The following AP3B1 variants were observed in gnomAD, a reference collection of about 807,000 sequenced individuals.
AP3B1 encodes the protein AP-3 complex subunit beta-1.
Under a neutral mutation model 132.5 loss-of-function variants are expected in AP3B1, and 61 were observed. The observed-to-expected ratio is 0.46, with a 90% confidence interval of 0.37 to 0.57. AP3B1 has a LOEUF of 0.57. Among genes scored for constraint, AP3B1 ranks in the 20% least tolerant of loss-of-function variants. AP3B1 has a pLI of 0.00. For synonymous variants in AP3B1, 388 were observed against 438.3 expected (o/e 0.89, Z 1.43); for missense variants, 1,120 against 1,289.4 (o/e 0.87, Z 2.01).
chr5:78,229,609 T>C (rs1746550799), intron 3 of AP3B1, among the ~76,000 whole-genome samples: 1 of 148,598 alleles, frequency 6.7e-6, no homozygotes, highest in Admixed American at 6.7e-5. Flanking sequence ...CACAGTGGCA[T>C]GCACCTGTAG....
chr5:78,131,900 A>G (rs114152850), intron 15 of AP3B1, among the ~76,000 whole-genome samples: 2,461 of 152,278 alleles, frequency 0.016, 66 homozygotes, highest in African/African-American at 0.055. Context: ...AAATAATCCA[A>G]ACAATTTGTG....
intron 7 of AP3B1, among the ~76,000 whole-genome samples, chr5:78,213,211 T>C (rs1243938790): frequency 6.6e-6 from 1 of 152,118 alleles, no homozygotes; most frequent in Non-Finnish European, 1.5e-5. Context: ...AAAACTACCA[T>C]GTGTAGTCGC....
chr5:78,198,230 C>G (rs949299690), intron 7 of AP3B1, among the ~76,000 whole-genome samples: 1 of 152,158 alleles, frequency 6.6e-6, no homozygotes, highest in African/African-American at 2.4e-5. Context: ...ATCTCTGCAA[C>G]CTGCTGTGGC....
intron 7 of AP3B1, among the ~76,000 whole-genome samples, chr5:78,210,366 T>C (rs1745683946): frequency 6.6e-6 from 1 of 152,188 alleles, no homozygotes; most frequent in Non-Finnish European, 1.5e-5. Flanking sequence ...ACTACATTTA[T>C]AAATTTTGGA....
chr5:78,230,185 A>T lies in AP3B1; in HGVS notation c.280-1946T>A, dbSNP rs140544576. 9.8e-4 allele frequency among the ~76,000 whole-genome samples: 149 copies of T among 152,354 alleles called. 1 individual carries two copies. The East Asian group carries it at 0.022, about 22-fold the overall frequency. ...CCAACTGTCCTCACGGAATTTTTTT[A>T]AAATTATTTTAAATGAAAGGCAAAA... On this transcript the variant is annotated intron_variant, in intron 3 of 26. Coordinates refer to ENST00000255194, the MANE Select transcript of AP3B1 (RefSeq NM_003664.5).
chr5:78,223,748 T>C (rs1746286108), intron 6 of AP3B1, among the ~76,000 whole-genome samples: 1 of 152,186 alleles, frequency 6.6e-6, no homozygotes, highest in East Asian at 1.9e-4. Flanking sequence ...TTAGATATTA[T>C]AAACCCTACA....
At chr5:78,220,343 C>T (rs1327072666) in intron 6 of AP3B1, among the ~76,000 whole-genome samples, 2 of 150,558 alleles carry the variant, frequency 1.3e-5, no homozygotes, top group African/African-American at 4.9e-5. Context: ...GGGACCAAAA[C>T]CCATGCTTTA....
intron 15 of AP3B1, among the ~76,000 whole-genome samples, chr5:78,140,248 T>G (rs1039842583): frequency 6.6e-6 from 1 of 152,134 alleles, no homozygotes; most frequent in African/African-American, 2.4e-5. Context: ...ATACTACTAT[T>G]AAAAGTGGTT....
chr5:78,280,066 C>CT (rs1196111757), intron 1 of AP3B1, among the ~76,000 whole-genome samples: 2 of 125,092 alleles, frequency 1.6e-5, no homozygotes, highest in Non-Finnish European at 3.4e-5. Flanking sequence ...GGGTGAGACT[C>CT]TGTCTCAAAA....
At chr5:78,069,198 C>T (rs887137598) in intron 22 of AP3B1, among the ~76,000 whole-genome samples, 8 of 152,212 alleles carry the variant, frequency 5.3e-5, no homozygotes, top group Non-Finnish European at 8.8e-5. Flanking sequence ...AAAACCAGCA[C>T]AAGACAAGGA....
In AP3B1 at chr5:78,294,312, C is replaced by T. The variant is rs1047340407; in HGVS notation, c.128+140G>A. 36 of 1,247,242 alleles carry T rather than the reference C, an allele frequency of 2.9e-5. No homozygotes were observed. The African/African-American group carries it at 5.1e-4, about 18-fold the overall frequency. The allele number at this position is 1,247,242 out of a possible 1,614,324, so 77.3% of individuals were successfully genotyped here. A position where few individuals can be genotyped will look rare whatever the true frequency, so the allele number is the denominator to read the frequency against. ...ACCGCCAACCAACCCCACCTACCCA[C>T]CCGCGGGACACGTTACCGCCCTGCC... On this transcript the variant is annotated intron_variant, in intron 1 of 26. Coordinates refer to ENST00000255194, the MANE Select transcript of AP3B1 (RefSeq NM_003664.5).
chr5:78,071,530 T>C (rs184521827), intron 22 of AP3B1, among the ~76,000 whole-genome samples: 333 of 152,282 alleles, frequency 2.2e-3, no homozygotes, highest in African/African-American at 7.3e-3. Flanking sequence ...GTAACAAACC[T>C]GCACATCTTG....
intron 3 of AP3B1, among the ~76,000 whole-genome samples, chr5:78,233,147 G>A (rs1022223138): frequency 2.6e-5 from 4 of 151,748 alleles, no homozygotes; most frequent in African/African-American, 9.7e-5. Context: ...TATTTTTTCT[G>A]ATCTGGGATC....
At chr5:78,179,653 T>G (rs1180513551) in intron 8 of AP3B1, among the ~76,000 whole-genome samples, 1 of 152,152 alleles carries the variant, frequency 6.6e-6, no homozygotes, top group Non-Finnish European at 1.5e-5. Flanking sequence ...GTCACCTTAT[T>G]TAGACTGTTA....
intron 22 of AP3B1, among the ~76,000 whole-genome samples, chr5:78,076,627 G>A (rs756751048): frequency 1.8e-4 from 28 of 152,180 alleles, no homozygotes; most frequent in Non-Finnish European, 3.4e-4. Context: ...GGGTTGGGGC[G>A]TTGAGCTACT....
At chr5:78,020,642 C>T in intron 25 of AP3B1, 50 bp downstream of exon 25, 1 of 1,367,404 alleles carries the variant, frequency 7.3e-7, no homozygotes, top group Non-Finnish European at 1.0e-6. Flanking sequence ...CAGGAATAAG[C>T]ACATATTATT....
At chr5:78,073,449 T>C (rs1183204589) in intron 22 of AP3B1, among the ~76,000 whole-genome samples, 1 of 152,154 alleles carries the variant, frequency 6.6e-6, no homozygotes, top group Non-Finnish European at 1.5e-5. Context: ...ATTTTTCATT[T>C]CAATACCACA....
chr5:78,048,225 C>A (rs1748424078), intron 22 of AP3B1, among the ~76,000 whole-genome samples: 1 of 152,178 alleles, frequency 6.6e-6, no homozygotes, highest in South Asian at 2.1e-4. Flanking sequence ...TGATAGCCGA[C>A]AACAAAGTGT....
chr5:78,195,382 T>C (rs1034548349), intron 7 of AP3B1, among the ~76,000 whole-genome samples: 5 of 152,092 alleles, frequency 3.3e-5, no homozygotes, highest in African/African-American at 1.2e-4. Flanking sequence ...GTGGTATTTG[T>C]GAAATAACAG....
Sources: gnomAD v4.1 joint callset for allele counts (sites outside exome capture counted in the v4.1 genomes callset) on GRCh38, gnomAD v4.1.1 for gene constraint, MANE v1.5 for transcripts, NCBI Gene and HGNC (gene_info 2026-07-23, HGNC 2026-07-21) for gene names.